Variants in LCLAT1 observed in about 807,000 individuals in gnomAD.
LCLAT1 encodes lysocardiolipin acyltransferase 1, also known as 1-AGP acyltransferase 8.
Under a neutral mutation model 30.7 loss-of-function variants are expected in LCLAT1, and 11 were observed. The observed-to-expected ratio is 0.36, with a 90% CI of 0.23 to 0.59. LCLAT1 has a LOEUF of 0.59. LCLAT1 is among the 20% of genes least tolerant of loss of function. LCLAT1 has a pLI of 0.77. For missense variants in LCLAT1, 402 were observed against 458.6 expected, an observed-to-expected ratio of 0.88 and a Z score of 1.13; for synonymous variants, 155 against 151.3, an observed-to-expected ratio of 1.02 and a Z score of -0.18.
intron 3 of LCLAT1, among the ~76,000 whole-genome samples, chr2:30,546,391 A>G (rs918690541): frequency 6.6e-6 from 1 of 152,164 alleles, no homozygotes; most frequent in Non-Finnish European, 1.5e-5. Context: ...TTTTCTTTTT[A>G]GAGATCATGA....
intron 1 of LCLAT1, chr2:30,459,495 G>C: frequency 1.3e-6 from 1 of 753,490 alleles, no homozygotes; most frequent in Non-Finnish European, 2.4e-6. Flanking sequence ...GATGAGCCCG[G>C]TGCACTGTTC....
chr2:30,501,860 A>G (rs191680744), intron 1 of LCLAT1, among the ~76,000 whole-genome samples: 5 of 152,342 alleles, frequency 3.3e-5, no homozygotes, highest in African/African-American at 9.6e-5. Context: ...ATATGTATGA[A>G]AAACATTGGA....
At chr2:30,522,391 T>C (rs1300410287) in intron 1 of LCLAT1, among the ~76,000 whole-genome samples, 2 of 152,196 alleles carry the variant, frequency 1.3e-5, no homozygotes, top group Non-Finnish European at 2.9e-5. Context: ...TTTTTTTTTT[T>C]AGCTATTCCA....
rs973625334 is a variant in LCLAT1, at chr2:30,575,461, A to G, written c.628+7285A>G. Among the ~76,000 whole-genome samples, 15 of 152,216 alleles carry G rather than the reference A, an allele frequency of 9.9e-5. No individual in the cohort carries two copies. In the East Asian group the frequency reaches 1.9e-3, roughly 20 times the overall value. On this transcript the variant is annotated intron_variant, in intron 5 of 5. Transcript: ENST00000379509. ...CACACATATGCACATCTGATTAGCA[A>G]TTCTTCCCACCCCCTTCAGTCTAGT... is the stretch of plus-strand genomic sequence containing the variant.
At chr2:30,458,562 A>C (rs1263462277) in intron 1 of LCLAT1, among the ~76,000 whole-genome samples, 1 of 152,200 alleles carries the variant, frequency 6.6e-6, no homozygotes, top group Non-Finnish European at 1.5e-5. Flanking sequence ...TGATGTCTCA[A>C]GGATGTTATT....
At chr2:30,468,689 T>C (rs1372848711) in intron 1 of LCLAT1, among the ~76,000 whole-genome samples, 1 of 152,220 alleles carries the variant, frequency 6.6e-6, no homozygotes, top group Admixed American at 6.5e-5. Context: ...AAGCAGTTGC[T>C]CCCTTCTACC....
intron 5 of LCLAT1, among the ~76,000 whole-genome samples, chr2:30,580,865 C>A (rs1353850342): frequency 1.3e-5 from 2 of 152,138 alleles, no homozygotes; most frequent in Non-Finnish European, 2.9e-5. Context: ...AGTTTATTAT[C>A]TTCCTAAGCA....
intron 1 of LCLAT1, among the ~76,000 whole-genome samples, chr2:30,494,189 C>T (rs1196553011): frequency 6.6e-6 from 1 of 152,136 alleles, no homozygotes; most frequent in Non-Finnish European, 1.5e-5. Context: ...TGCCACTGCA[C>T]TCCAGCCTGG....
intron 1 of LCLAT1, among the ~76,000 whole-genome samples, chr2:30,475,917 T>G (rs919640617): frequency 4.6e-5 from 7 of 152,232 alleles, no homozygotes; most frequent in African/African-American, 1.7e-4. Context: ...GATAATCCAC[T>G]ATGAGTCTTA....
chr2:30,454,309 A>G (rs1681714335), intron 1 of LCLAT1, among the ~76,000 whole-genome samples: 1 of 152,174 alleles, frequency 6.6e-6, no homozygotes, highest in Non-Finnish European at 1.5e-5. Flanking sequence ...AAAATATATT[A>G]CCAGGTTTAT....
intron 1 of LCLAT1, among the ~76,000 whole-genome samples, chr2:30,503,385 T>C (rs1261389261): frequency 6.6e-6 from 1 of 152,230 alleles, no homozygotes; most frequent in African/African-American, 2.4e-5. Context: ...TTCATTTCAC[T>C]TGGATTTATA....
In LCLAT1 at chr2:30,616,190, A is replaced by G. The variant is rs115306007; in HGVS notation, c.629-23927A>G. 4.4e-3 allele frequency among the ~76,000 whole-genome samples: 673 copies of G among 152,258 alleles called. 7 individuals are homozygous for G. Among genetic ancestry groups the G allele is most frequent in the African/African-American group, 0.015 (640 of 41,560 alleles). Reference sequence around the variant, plus strand: ...AAGTGAACGGTTTTTTTGTTGTTGTATTTTGGTTGCTGGTGGAGGGAGTAC... The same window carrying G: ...AAGTGAACGGTTTTTTTGTTGTTGTGTTTTGGTTGCTGGTGGAGGGAGTAC... On this transcript the variant is annotated intron_variant, in intron 5 of 5. Coordinates refer to ENST00000379509, the MANE Select transcript of LCLAT1 (RefSeq NM_001002257.3).
intron 1 of LCLAT1, among the ~76,000 whole-genome samples, chr2:30,504,929 G>C (rs1191343126): frequency 6.6e-6 from 1 of 152,084 alleles, no homozygotes; most frequent in Non-Finnish European, 1.5e-5. Context: ...TTTTGGGGGA[G>C]GGTGTGGTTT....
intron 5 of LCLAT1, among the ~76,000 whole-genome samples, chr2:30,598,747 G>C (rs761682192): frequency 2.0e-5 from 3 of 151,976 alleles, no homozygotes; most frequent in Non-Finnish European, 4.4e-5. Context: ...GTGATGTTAG[G>C]ATGTCAATTT....
chr2:30,553,536 C>T (rs1023569960), intron 3 of LCLAT1, among the ~76,000 whole-genome samples: 7 of 152,210 alleles, frequency 4.6e-5, no homozygotes, highest in Non-Finnish European at 1.0e-4. Flanking sequence ...AGACAAATTG[C>T]CGGGCGCGGT....
At chr2:30,587,290 TC>T (rs1666486744) in intron 5 of LCLAT1, among the ~76,000 whole-genome samples, 2 of 151,676 alleles carry the variant, frequency 1.3e-5, no homozygotes, top group Non-Finnish European at 2.9e-5. Context: ...TAATAGAACT[TC>T]TAGGCAATTT....
chr2:30,568,602 G>C (rs1480514849), intron 5 of LCLAT1, among the ~76,000 whole-genome samples: 11 of 148,526 alleles, frequency 7.4e-5, no homozygotes, highest in Non-Finnish European at 1.5e-4. Context: ...CTGCCTCCCA[G>C]GTTCCCGCCA....
At chr2:30,638,357 T>C (rs1417992766) in intron 5 of LCLAT1, among the ~76,000 whole-genome samples, 1 of 152,220 alleles carries the variant, frequency 6.6e-6, no homozygotes, top group Admixed American at 6.5e-5. Flanking sequence ...TTCTGACATA[T>C]GTAAGCATCA....
chr2:30,520,174 C>A (rs1685407489), intron 1 of LCLAT1, among the ~76,000 whole-genome samples: 1 of 152,164 alleles, frequency 6.6e-6, no homozygotes, highest in South Asian at 2.1e-4. Flanking sequence ...GCCAAGAACC[C>A]CCCAGGTCAG....
Sources: gnomAD v4.1 joint callset for allele counts (sites outside exome capture counted in the v4.1 genomes callset) on GRCh38, gnomAD v4.1.1 for gene constraint, MANE v1.5 for transcripts, NCBI Gene and HGNC (gene_info 2026-07-23, HGNC 2026-07-21) for gene names.